TEAD1: variants seen among roughly 807,000 people sequenced by gnomAD.
The protein encoded by TEAD1 is TEA domain transcription factor 1.
In TEAD1, 9 loss-of-function variants were observed where a neutral mutation model predicts 54.9. The ratio of observed to expected loss-of-function variants is 0.16; its 90% CI spans 0.10 to 0.29. TEAD1 has a LOEUF of 0.29. TEAD1 is among the 10% of genes least tolerant of loss of function. TEAD1 has a pLI of 1.00. For missense variants in TEAD1, 387 were observed against 535.9 expected, an observed-to-expected ratio of 0.72 and a Z score of 2.74; for synonymous variants, 200 against 187.8, an observed-to-expected ratio of 1.07 and a Z score of -0.53.
intron 3 of TEAD1, among the ~76,000 whole-genome samples, chr11:12,855,282 T>A (rs1214789542): frequency 6.6e-6 from 1 of 152,056 alleles, no homozygotes; most frequent in Non-Finnish European, 1.5e-5. Context: ...TTTTTCTTTT[T>A]TCTTTCTTTC....
At chr11:12,848,294 G>C (rs1165803000) in intron 3 of TEAD1, among the ~76,000 whole-genome samples, 1 of 152,200 alleles carries the variant, frequency 6.6e-6, no homozygotes, top group African/African-American at 2.4e-5. Context: ...AGAGGAAAGT[G>C]CCTTGGGGCC....
intron 4 of TEAD1, among the ~76,000 whole-genome samples, chr11:12,863,103 G>T (rs569838124): frequency 6.6e-6 from 1 of 152,294 alleles, no homozygotes; most frequent in Admixed American, 6.5e-5. Context: ...GATTTATGCT[G>T]AATGATACAG....
At chr11:12,862,121 T>C (rs1947518575) in intron 3 of TEAD1, 129 bp from the exon 4 acceptor site, 1 of 718,396 alleles carries the variant, frequency 1.4e-6, no homozygotes, top group African/African-American at 1.8e-5. Flanking sequence ...GTTTTATTTT[T>C]CTAGTATTAG....
At chr11:12,918,924 C>T (rs752303000) in intron 10 of TEAD1, among the ~76,000 whole-genome samples, 1 of 152,090 alleles carries the variant, frequency 6.6e-6, no homozygotes, top group Non-Finnish European at 1.5e-5. Context: ...AGAAACCAGA[C>T]AAAACTAATG....
At chr11:12,675,139 C>G (rs1049785586) in intron 1 of TEAD1, among the ~76,000 whole-genome samples, 1 of 149,242 alleles carries the variant, frequency 6.7e-6, no homozygotes, top group Non-Finnish European at 1.5e-5. Context: ...CCCCCTCTCC[C>G]GCCGCCTGCA....
chr11:12,759,876 T>A (rs1471035606), intron 2 of TEAD1, among the ~76,000 whole-genome samples: 3 of 152,048 alleles, frequency 2.0e-5, no homozygotes, highest in African/African-American at 4.8e-5. Flanking sequence ...GCAAAAAAAA[T>A]TATCTCCAAC....
At chr11:12,791,295 C>CT (rs1945797817) in intron 3 of TEAD1, among the ~76,000 whole-genome samples, 1 of 152,164 alleles carries the variant, frequency 6.6e-6, no homozygotes, top group African/African-American at 2.4e-5. Context: ...CTGTAGAAAC[C>CT]TTTATCAAGT....
At chr11:12,765,871 T>A (rs1466470381) in intron 3 of TEAD1, among the ~76,000 whole-genome samples, 3 of 152,184 alleles carry the variant, frequency 2.0e-5, no homozygotes, top group African/African-American at 7.2e-5. Context: ...GGCCCTAGAT[T>A]TTCTCTATGT....
intron 10 of TEAD1, among the ~76,000 whole-genome samples, chr11:12,919,616 C>A (rs1243414253): frequency 6.6e-6 from 1 of 151,708 alleles, no homozygotes; most frequent in Admixed American, 6.6e-5. Flanking sequence ...ATTTTAGCCT[C>A]CCAGGTAGCT....
intron 3 of TEAD1, among the ~76,000 whole-genome samples, chr11:12,839,127 GGA>G (rs1368821901): frequency 6.6e-6 from 1 of 151,834 alleles, no homozygotes; most frequent in East Asian, 1.9e-4. Context: ...AAAAAAACTG[GGA>G]GCCGGGCATG....
At chr11:12,787,285 T>C (rs1295313664) in intron 3 of TEAD1, among the ~76,000 whole-genome samples, 1 of 152,148 alleles carries the variant, frequency 6.6e-6, no homozygotes, top group Non-Finnish European at 1.5e-5. Flanking sequence ...CTTTTTGCCT[T>C]TTTCTTCCTC....
At chr11:12,781,980 AAAAGAAAAAG>A (rs1564937749) in intron 3 of TEAD1, among the ~76,000 whole-genome samples, 14 of 134,826 alleles carry the variant, frequency 1.0e-4, no homozygotes, top group African/African-American at 4.6e-4. Flanking sequence ...AAGAAAGAAA[AAAAGAAAAAG>A]AAAAAAAAAA....
chr11:12,923,802 G>A (rs1284987699), intron 10 of TEAD1, among the ~76,000 whole-genome samples: 2 of 152,208 alleles, frequency 1.3e-5, no homozygotes, highest in Non-Finnish European at 2.9e-5. Flanking sequence ...ATATGCAAGG[G>A]CAGAGGCTCA....
chr11:12,824,536 T>C (rs1946612624), intron 3 of TEAD1, among the ~76,000 whole-genome samples: 1 of 152,248 alleles, frequency 6.6e-6, no homozygotes, highest in South Asian at 2.1e-4. Flanking sequence ...GCCCGATTGT[T>C]TCCATCCGGG....
At chr11:12,915,496 G>A (rs1564989054) in intron 10 of TEAD1, among the ~76,000 whole-genome samples, 1 of 152,240 alleles carries the variant, frequency 6.6e-6, no homozygotes, top group Non-Finnish European at 1.5e-5. Flanking sequence ...AGTCTTTGGA[G>A]AGTGTTGCAT....
At chr11:12,842,379 A>T (rs955323468) in intron 3 of TEAD1, among the ~76,000 whole-genome samples, 1 of 152,130 alleles carries the variant, frequency 6.6e-6, no homozygotes, top group African/African-American at 2.4e-5. Flanking sequence ...GGAAGTTGAG[A>T]TTTGAGGAGA....
chr11:12,686,216 C>G (rs1381039957), intron 2 of TEAD1, among the ~76,000 whole-genome samples: 3 of 152,140 alleles, frequency 2.0e-5, no homozygotes, highest in Middle Eastern at 6.3e-3. Context: ...AGGAAATTGT[C>G]AGGGAAACTG....
chr11:12,866,544 A>T (rs984512352), intron 5 of TEAD1, among the ~76,000 whole-genome samples: 24 of 152,234 alleles, frequency 1.6e-4, no homozygotes, highest in African/African-American at 5.5e-4. Flanking sequence ...ATGTAAAAAT[A>T]CACAGCGGTA....
chr11:12,803,780 C>T (rs972598520), intron 3 of TEAD1, among the ~76,000 whole-genome samples: 1 of 152,168 alleles, frequency 6.6e-6, no homozygotes, highest in Non-Finnish European at 1.5e-5. Flanking sequence ...AACCTGCTAA[C>T]GAGGCCCTAT....
Sources: gnomAD v4.1 joint callset for allele counts (sites outside exome capture counted in the v4.1 genomes callset) on GRCh38, gnomAD v4.1.1 for gene constraint, MANE v1.5 for transcripts, NCBI Gene and HGNC (gene_info 2026-07-23, HGNC 2026-07-21) for gene names.